Variants in PXDNL observed in about 807,000 individuals in gnomAD.
PXDNL encodes probable oxidoreductase PXDNL.
A neutral mutation model predicts 150.8 loss-of-function variants in PXDNL; 145 were observed. The observed-to-expected ratio is 0.96, with a 90% CI of 0.84 to 1.10. The LOEUF is 1.10. Ranked by LOEUF, PXDNL falls within the 50% of genes least tolerant of loss-of-function variation. The pLI is 0.00. For missense variants in PXDNL, 2,087 were observed against 1,873.9 expected (o/e 1.11, Z -2.10); for synonymous variants, 757 against 725.7 (o/e 1.04, Z -0.69).
chr8:51,748,324 T>C (rs546959690), intron 1 of PXDNL, among the ~76,000 whole-genome samples: 95 of 152,352 alleles, frequency 6.2e-4, no homozygotes, highest in African/African-American at 2.1e-3. Flanking sequence ...TTCTTTCTTT[T>C]AGTGCGTTTT....
chr8:51,777,724 G>A (rs1158579780), intron 1 of PXDNL, among the ~76,000 whole-genome samples: 6 of 152,060 alleles, frequency 3.9e-5, no homozygotes, highest in African/African-American at 1.4e-4. Flanking sequence ...CCAACATGGC[G>A]AAACCCTGTC....
intron 1 of PXDNL, among the ~76,000 whole-genome samples, chr8:51,767,798 T>G (rs1391425782): frequency 6.6e-6 from 1 of 152,258 alleles, no homozygotes; most frequent in Non-Finnish European, 1.5e-5. Context: ...TGCCCTAACT[T>G]GTATCACTGC....
In PXDNL at chr8:51,408,085, A is replaced by C. The variant is rs1185439372; in HGVS notation, c.3539T>G (p.Ile1180Ser). ...DLQNEIKDSE[I>S]RQKLRKLYGS... ...TACTTACTTTCTCAGTTTTTGTCTA[A>C]TCTCTGAATCTTTAATTTCATTTTG... The change falls in exon 17 of 23, where the codon ATT (isoleucine) becomes AGT (serine). Residue 1180 changes from isoleucine (I) to serine (S), a missense_variant. By Grantham distance (142) the Ile-to-Ser change is moderately radical. Transcript: ENST00000356297. 1.2e-6 allele frequency: 2 copies of C among 1,604,686 alleles called. No individual in the cohort carries two copies. Among genetic ancestry groups the C allele is most frequent in the African/African-American group, 2.7e-5 (2 of 74,234 alleles).
chr8:51,766,802 G>A (rs776812980), intron 1 of PXDNL, among the ~76,000 whole-genome samples: 2 of 152,018 alleles, frequency 1.3e-5, no homozygotes, highest in African/African-American at 4.8e-5. Context: ...GGATCGCTGA[G>A]TTTATCCTAC....
intron 3 of PXDNL, among the ~76,000 whole-genome samples, chr8:51,568,829 T>C (rs968661518): frequency 3.3e-5 from 5 of 151,876 alleles, no homozygotes; most frequent in African/African-American, 1.2e-4. Flanking sequence ...ACGAGGCCTC[T>C]ATTAACATAT....
chr8:51,550,118 C>T (rs1812448738), intron 4 of PXDNL, among the ~76,000 whole-genome samples: 1 of 152,020 alleles, frequency 6.6e-6, no homozygotes, highest in East Asian at 1.9e-4. Flanking sequence ...TACAAACCTC[C>T]TAGATTAAAC....
At chr8:51,656,988 T>C (rs1815163282) in intron 1 of PXDNL, among the ~76,000 whole-genome samples, 1 of 95,782 alleles carries the variant, frequency 1.0e-5, no homozygotes, top group Non-Finnish European at 3.0e-5. Flanking sequence ...CCTTGACTTA[T>C]GACGGGGTTA....
intron 1 of PXDNL, among the ~76,000 whole-genome samples, chr8:51,671,475 A>T (rs1192912471): frequency 6.6e-6 from 1 of 152,202 alleles, no homozygotes; most frequent in Non-Finnish European, 1.5e-5. Context: ...AAATCTATTT[A>T]AAAAAATAAA....
At chr8:51,735,456 G>A (rs548202455) in intron 1 of PXDNL, among the ~76,000 whole-genome samples, 1 of 151,238 alleles carries the variant, frequency 6.6e-6, no homozygotes, top group East Asian at 2.0e-4. Flanking sequence ...CTGCACCCCA[G>A]CCTGGGCAAG....
At chr8:51,360,729 G>C (rs112455219) in intron 19 of PXDNL, among the ~76,000 whole-genome samples, 1 of 152,256 alleles carries the variant, frequency 6.6e-6, no homozygotes, top group East Asian at 1.9e-4. Flanking sequence ...TGTGTCAATC[G>C]CTAAGTTTTG....
intron 12 of PXDNL, among the ~76,000 whole-genome samples, chr8:51,434,410 C>A (rs535963992): frequency 6.6e-6 from 1 of 152,266 alleles, no homozygotes; most frequent in East Asian, 1.9e-4. Flanking sequence ...CTTGTTGCTT[C>A]TTCATCACAC....
At chr8:51,545,536 T>G (rs1812340308) in intron 4 of PXDNL, among the ~76,000 whole-genome samples, 1 of 152,154 alleles carries the variant, frequency 6.6e-6, no homozygotes, top group Admixed American at 6.5e-5. Context: ...GGCTCATGGC[T>G]CTGAAGGCTG....
At position 51,320,123 on chromosome 8, in the gene PXDNL, T is replaced by A. The variant is rs1805274047; in HGVS notation, c.4261-101A>T. The A allele has an allele frequency of 9.7e-7, 1 of 1,026,422 alleles. No homozygotes were observed. The highest frequency in any genetic ancestry group is 1.7e-5 in the African/African-American group (1 of 59,464). 63.6% of individuals were successfully genotyped at this position (1,026,422 alleles called of 1,614,324 possible). A position where few individuals can be genotyped will look rare whatever the true frequency, so the allele number is the denominator to read the frequency against. On this transcript the variant is annotated intron_variant, in intron 22 of 22. Coordinates refer to ENST00000356297, the MANE Select transcript of PXDNL (RefSeq NM_144651.5). ...ATAATACATAATCTAATAAGCTGAC[T>A]GTCTCAATATAATAAAAAATGCTCA...
intron 1 of PXDNL, among the ~76,000 whole-genome samples, chr8:51,739,472 T>G (rs778796647): frequency 6.6e-6 from 1 of 152,124 alleles, no homozygotes; most frequent in East Asian, 1.9e-4. Flanking sequence ...AAAATAAAAC[T>G]GTTGTAATTT....
At chr8:51,543,365 A>C (rs959327303) in intron 4 of PXDNL, among the ~76,000 whole-genome samples, 2 of 152,198 alleles carry the variant, frequency 1.3e-5, no homozygotes, top group Non-Finnish European at 2.9e-5. Context: ...TGTTGTCTAA[A>C]AAAGGTACTC....
chr8:51,681,605 C>G (rs1204879789), intron 1 of PXDNL, among the ~76,000 whole-genome samples: 3 of 152,214 alleles, frequency 2.0e-5, no homozygotes, highest in Non-Finnish European at 4.4e-5. Context: ...CCCTGCTGCC[C>G]TCTCCTCCCA....
At chr8:51,806,198 G>A (rs1324532098) in intron 1 of PXDNL, among the ~76,000 whole-genome samples, 1 of 151,838 alleles carries the variant, frequency 6.6e-6, no homozygotes, top group Non-Finnish European at 1.5e-5. Flanking sequence ...CTATGATTTA[G>A]GAAAATATTT....
At chr8:51,709,333 C>A (rs901998904) in intron 1 of PXDNL, among the ~76,000 whole-genome samples, 2 of 151,934 alleles carry the variant, frequency 1.3e-5, no homozygotes, top group South Asian at 2.1e-4. Context: ...TGGCTCACTG[C>A]AAGCTCCGCC....
chr8:51,408,851 G>C lies in PXDNL; in HGVS notation c.2773C>G (p.Pro925Ala). The stretch of plus-strand genomic sequence containing the variant: ...AAGGGCTTTCCGGAGGGAGGCCAAG[G>C]AAAGCCTGTCTTCAGGAGACCCCGA... The part of the protein sequence containing the change: ...VPRGLLKTGF[P>A]WPPSGKPLLP... Residue 925 changes from proline (P) to alanine (A), a missense_variant, in exon 17 of 23, where the codon CCT (proline) becomes GCT (alanine). By Grantham distance (27) the Pro-to-Ala change is conservative. Coordinates refer to ENST00000356297, the MANE Select transcript of PXDNL (RefSeq NM_144651.5). 1 of 1,580,524 alleles carries C rather than the reference G, an allele frequency of 6.3e-7. No homozygotes were observed. Among genetic ancestry groups the C allele is most frequent in the Non-Finnish European group, 8.6e-7 (1 of 1,164,320 alleles).
Sources: allele counts gnomAD v4.1 joint callset (sites outside exome capture counted in the v4.1 genomes callset), GRCh38; gene constraint gnomAD v4.1.1; transcripts MANE v1.5; gene names NCBI Gene and HGNC (gene_info 2026-07-23, HGNC 2026-07-21).